STRN4: variants seen among roughly 807,000 people sequenced by gnomAD.
The protein encoded by STRN4 is striatin-4.
Under a neutral mutation model 77.9 loss-of-function variants are expected in STRN4, and 27 were observed. That is an observed-to-expected ratio of 0.35 (90% confidence interval 0.26 to 0.48). The LOEUF (loss-of-function observed/expected upper bound fraction) is 0.48. STRN4 is among the 20% of genes least tolerant of loss of function. The pLI, the probability that STRN4 is intolerant of heterozygous loss-of-function variation, is 0.99. For missense variants in STRN4, 798 were observed against 1,049.7 expected, an observed-to-expected ratio of 0.76 and a Z score of 3.31; for synonymous variants, 466 against 443.1, an observed-to-expected ratio of 1.05 and a Z score of -0.65.
intron 16 of STRN4, 160 bp from the exon 17 acceptor site, chr19:46,720,931 G>A (rs2053962238): frequency 2.7e-6 from 2 of 752,566 alleles, no homozygotes; most frequent in East Asian, 6.5e-5. Flanking sequence ...CCGCCCAAAG[G>A]AGAACCCTGG....
At chr19:46,732,690 A>G in intron 5 of STRN4, 1 of 269,358 alleles carries the variant, frequency 3.7e-6, no homozygotes, top group South Asian at 5.3e-5. Context: ...AACAAGCCAG[A>G]GATTCCTGAG....
At chr19:46,734,193 T>C (rs2054311958) in intron 4 of STRN4, among the ~76,000 whole-genome samples, 1 of 152,208 alleles carries the variant, frequency 6.6e-6, no homozygotes, top group African/African-American at 2.4e-5. Flanking sequence ...AAATTAACCA[T>C]GCAACCTTGT....
chr19:46,730,916 G>A, intron 5 of STRN4, 43 bp from the exon 6 acceptor site: 1 of 1,600,232 alleles, frequency 6.2e-7, no homozygotes, highest in Non-Finnish European at 8.5e-7. Flanking sequence ...GTCCTGGCAG[G>A]TGTCAAAGCT....
chr19:46,725,814 C>T, intron 9 of STRN4, 166 bp from the exon 10 acceptor site: 1 of 849,240 alleles, frequency 1.2e-6, no homozygotes, highest in East Asian at 2.7e-5. Context: ...CTCTGCTGGG[C>T]AGAGTCTCCA....
At chr19:46,745,525 C>T (rs868011710) in intron 1 of STRN4, among the ~76,000 whole-genome samples, 2 of 152,070 alleles carry the variant, frequency 1.3e-5, no homozygotes, top group Non-Finnish European at 1.5e-5. Flanking sequence ...CGAAACACAC[C>T]GATCCCAGGT....
At chr19:46,725,064 C>T (rs1387938260) in intron 11 of STRN4, 136 bp from the exon 12 acceptor site, 24 of 1,368,968 alleles carry the variant, frequency 1.8e-5, no homozygotes, top group Non-Finnish European at 2.4e-5. Flanking sequence ...GGCCATGCTA[C>T]CTGGACAAGC....
chr19:46,720,711 G>A lies in STRN4; in HGVS notation c.2153C>T (p.Thr718Met), dbSNP rs760914403. 16 of 1,609,922 alleles carry A rather than the reference G, an allele frequency of 9.9e-6. 1 individual carries two copies. Among genetic ancestry groups the A allele is most frequent in the East Asian group, 6.7e-5 (3 of 44,720 alleles). ...CTCCTCGTGCTTCTTGCGGTGGGCC[G>A]TGATCTCCTGCACGCACGTTTTGTT... ...LDNKTCVQEI[T>M]AHRKKHEEAI... The change falls in exon 17 of 18, where the codon ACG becomes ATG. Residue 718 changes from threonine to methionine, a missense_variant. Thr to Met is a moderately conservative substitution (Grantham distance 81). This residue lies in a region of STRN4 where 287 missense variants were observed against 473.8 expected (regional missense o/e 0.61). Coordinates refer to ENST00000263280, the MANE Select transcript of STRN4 (RefSeq NM_013403.3).
intron 3 of STRN4, 76 bp from the exon 4 acceptor site, chr19:46,736,977 C>G: frequency 6.2e-6 from 9 of 1,449,222 alleles, no homozygotes; most frequent in Non-Finnish European, 8.6e-6. Context: ...ATCTTCCTCA[C>G]CCCTCCAACC....
At chr19:46,737,984 C>T (rs950992443) in intron 3 of STRN4, among the ~76,000 whole-genome samples, 180 bp downstream of exon 3, 2 of 152,084 alleles carry the variant, frequency 1.3e-5, no homozygotes, top group African/African-American at 2.4e-5. Flanking sequence ...GGGTCCAGCA[C>T]GGGACCTGGC....
chr19:46,731,285 G>C (rs2054244531), intron 5 of STRN4, among the ~76,000 whole-genome samples: 1 of 152,326 alleles, frequency 6.6e-6, no homozygotes, highest in East Asian at 1.9e-4. Context: ...CTGCAGGAAA[G>C]AGGAACCGGC....
intron 8 of STRN4, 168 bp downstream of exon 8, chr19:46,727,726 A>C: frequency 4.0e-6 from 3 of 751,414 alleles, no homozygotes; most frequent in Non-Finnish European, 6.4e-6. Flanking sequence ...AGGGCAGGAC[A>C]GACAAAAAGA....
chr19:46,737,143 G>A (rs1282539877), intron 3 of STRN4, among the ~76,000 whole-genome samples: 1 of 152,158 alleles, frequency 6.6e-6, no homozygotes, highest in Non-Finnish European at 1.5e-5. Context: ...CAAGATAAGG[G>A]TGTTATCTCA....
intron 6 of STRN4, 36 bp from the exon 7 acceptor site, chr19:46,728,813 C>T: frequency 6.2e-7 from 1 of 1,610,818 alleles, no homozygotes; most frequent in Non-Finnish European, 8.5e-7. Context: ...GTCAGGGGGC[C>T]TCTTGTCCAG....
Position 46,723,474 on chromosome 19 carries a change from G to A in STRN4, c.1595-190C>T, listed in dbSNP as rs957844040. On this transcript the variant is annotated intron_variant, in intron 12 of 17. Transcript: ENST00000263280. The surrounding 1 kb of genome is among the most constrained non-coding windows in gnomAD (Gnocchi z 5.5). ...CGGCAGCTGCTCACACTGCCCACTA[G>A]CTCTCCAAGGAAGGTTCTAGGGCTC... Among the ~76,000 whole-genome samples, 37 of 152,208 alleles carry A rather than the reference G, an allele frequency of 2.4e-4. No individual in the cohort carries two copies. Among genetic ancestry groups the A allele is most frequent in the African/African-American group, 8.2e-4 (34 of 41,454 alleles).
chr19:46,724,385 A>T (rs1233743083), intron 12 of STRN4, among the ~76,000 whole-genome samples: 1 of 151,866 alleles, frequency 6.6e-6, no homozygotes, highest in Non-Finnish European at 1.5e-5. Flanking sequence ...AGCCTGGCCC[A>T]GCTAACTCCA....
At chr19:46,727,305 G>A (rs539136053) in intron 9 of STRN4, 147 bp downstream of exon 9, 43 of 674,218 alleles carry the variant, frequency 6.4e-5, no homozygotes, top group Middle Eastern at 7.0e-4. Context: ...CTTGGCGACC[G>A]CAGTCAAGTC....
intron 4 of STRN4, among the ~76,000 whole-genome samples, chr19:46,734,912 C>T (rs1316510084): frequency 6.6e-6 from 1 of 152,198 alleles, no homozygotes; most frequent in African/African-American, 2.4e-5. Context: ...GATCTGCCCG[C>T]CTCGGCCTCC....
chr19:46,739,415 A>C (rs2054433612), intron 1 of STRN4: 1 of 164,556 alleles, frequency 6.1e-6, no homozygotes, highest in African/African-American at 2.4e-5. Flanking sequence ...TTTACAAGCC[A>C]AGCCCGCTGT....
Position 46,722,087 on chromosome 19 carries a change from G to A in STRN4, c.2006-15C>T. 1 of 1,612,138 alleles carries A rather than the reference G, an allele frequency of 6.2e-7. No homozygotes were observed. The highest frequency in any genetic ancestry group is 8.5e-7 in the Non-Finnish European group (1 of 1,179,978). ...CACCGGCTTACCTGAGGCGAGAAGG[G>A]CGGGTGGCAGGTTCCCCTCCCACTC... On this transcript the variant is annotated splice_polypyrimidine_tract_variant and intron_variant, in intron 15 of 17. Transcript: ENST00000263280.
Sources: allele counts gnomAD v4.1 joint callset (sites outside exome capture counted in the v4.1 genomes callset), GRCh38; gene constraint gnomAD v4.1.1; regional missense constraint gnomAD v4.1.1; non-coding constraint Gnocchi (gnomAD v3.1); transcripts MANE v1.5; gene names NCBI Gene and HGNC (gene_info 2026-07-23, HGNC 2026-07-21).